The following ESYT3 variants were observed in gnomAD, a reference collection of about 807,000 sequenced individuals.
ESYT3 encodes extended synaptotagmin 3.
A neutral mutation model predicts 111.5 loss-of-function variants in ESYT3; 101 were observed. That is an observed-to-expected ratio of 0.91 (90% CI 0.77 to 1.07). The LOEUF (loss-of-function observed/expected upper bound fraction) is 1.07, where lower values mean the gene tolerates loss of function less well. ESYT3 is among the 50% of genes least tolerant of loss of function. The pLI, the probability that ESYT3 is intolerant of heterozygous loss-of-function variation, is 0.00. For synonymous variants in ESYT3, 416 were observed against 446.8 expected (o/e 0.93, Z 0.87); for missense variants, 1,097 against 1,109.4 (o/e 0.99, Z 0.16).
chr3:138,446,524 T>C (rs544739695), intron 1 of ESYT3, among the ~76,000 whole-genome samples: 1 of 152,156 alleles, frequency 6.6e-6, no homozygotes, highest in South Asian at 2.1e-4. Context: ...AAAGCTGAGA[T>C]AGCAATTGTC....
chr3:138,476,769 C>T (rs1705427526), intron 22 of ESYT3, 49 bp from the exon 23 acceptor site: 9 of 1,586,292 alleles, frequency 5.7e-6, no homozygotes, highest in Non-Finnish European at 6.9e-6. Flanking sequence ...CCTGTTACCA[C>T]AACACACTGT....
rs2032996764 is a variant in ESYT3, at chr3:138,467,627, A to G, written c.1218+18A>G. The G allele has an allele frequency of 6.2e-7, 1 of 1,613,778 alleles. No individual in the cohort carries two copies. The highest frequency in any genetic ancestry group is 2.2e-5 in the East Asian group (1 of 44,866). On this transcript the variant is annotated intron_variant, in intron 11 of 22. Coordinates refer to ENST00000389567, the MANE Select transcript of ESYT3 (RefSeq NM_031913.5). ...TGGATGAGGTACAGTTGGTGCTTGC[A>G]ACCCTCGGGGGAGTTTCAAGGTAGC... is the stretch of plus-strand genomic sequence containing the variant.
At chr3:138,476,404 A>G in intron 21 of ESYT3, 39 bp from the exon 22 acceptor site, 1 of 1,608,412 alleles carries the variant, frequency 6.2e-7, no homozygotes, top group East Asian at 2.2e-5. Flanking sequence ...TCCTTAATGC[A>G]GTGTTTTGGA....
chr3:138,475,382 A>G (rs1391263237), intron 20 of ESYT3, among the ~76,000 whole-genome samples: 2 of 152,234 alleles, frequency 1.3e-5, no homozygotes, highest in Non-Finnish European at 2.9e-5. Context: ...ACTAATTCTC[A>G]AAAGTATGAC....
intron 1 of ESYT3, among the ~76,000 whole-genome samples, chr3:138,449,486 G>A (rs918258067): frequency 4.6e-5 from 7 of 152,184 alleles, no homozygotes; most frequent in Admixed American, 3.9e-4. Context: ...CATACCAGGA[G>A]CTTGTGAAAA....
chr3:138,474,492 C>T (rs1367130511), intron 20 of ESYT3, 140 bp downstream of exon 20: 3 of 943,308 alleles, frequency 3.2e-6, no homozygotes, highest in South Asian at 4.7e-5. Flanking sequence ...CTTCATGAAG[C>T]TTCTGTACGT....
At chr3:138,466,945 G>A (rs1330588754) in intron 10 of ESYT3, among the ~76,000 whole-genome samples, 5 of 152,014 alleles carry the variant, frequency 3.3e-5, no homozygotes, top group African/African-American at 9.7e-5. Context: ...CTGTGGGGAG[G>A]GCACCAAGCC....
At chr3:138,467,425 T>C (rs938373710) in intron 10 of ESYT3, 136 bp from the exon 11 acceptor site, 29 of 848,170 alleles carry the variant, frequency 3.4e-5, no homozygotes, top group Non-Finnish European at 5.4e-5. Context: ...GGTCTCCCAT[T>C]GGTTCCTTGG....
At chr3:138,461,053 T>TG (rs1310955245) in intron 7 of ESYT3, among the ~76,000 whole-genome samples, 1 of 152,182 alleles carries the variant, frequency 6.6e-6, no homozygotes, top group East Asian at 1.9e-4. Context: ...CCTGGCTCTG[T>TG]CACTGAGCAA....
At position 138,434,991 on chromosome 3, in the gene ESYT3, G is replaced by C; in HGVS notation, c.193G>C (p.Gly65Arg). 6.4e-7 allele frequency: 1 copy of C among 1,562,000 alleles called. No homozygotes were observed. Among genetic ancestry groups the C allele is most frequent in the Non-Finnish European group, 8.7e-7 (1 of 1,152,388 alleles). The change falls in exon 1 of 23, where the codon GGC (glycine) becomes CGC (arginine). Residue 65 changes from glycine to arginine, a missense_variant. Transcript: ENST00000389567. ...GCTCAGCATAACCTGGTTGCTGCTC[G>C]GCGCCCTGCTGTGGATGTGGTGGCG... ...LGLSITWLLLGALLWMWWRRN... is the reference protein window; with the variant it reads ...LGLSITWLLLRALLWMWWRRN...
At chr3:138,474,183 C>CT (rs750997203) in intron 19 of ESYT3, 38 bp from the exon 20 acceptor site, 89,607 of 988,528 alleles carry the variant, frequency 0.091, 651 homozygotes, top group African/African-American at 0.2. Context: ...AACCAGGGCC[C>CT]TTTTTTTTTT....
intron 14 of ESYT3, among the ~76,000 whole-genome samples, 171 bp downstream of exon 14, chr3:138,469,052 T>A (rs1023315550): frequency 3.3e-5 from 5 of 152,216 alleles, no homozygotes; most frequent in African/African-American, 1.2e-4. Context: ...GCTTGGCAAC[T>A]CATCCCCCAC....
intron 3 of ESYT3, 56 bp downstream of exon 3, chr3:138,455,384 C>G (rs2032213668): frequency 6.3e-7 from 1 of 1,592,542 alleles, no homozygotes; most frequent in South Asian, 1.1e-5. Flanking sequence ...TCTCTCTGTT[C>G]CCTCTCCTCC....
intron 4 of ESYT3, among the ~76,000 whole-genome samples, chr3:138,458,529 C>T (rs989729785): frequency 6.6e-6 from 1 of 152,264 alleles, no homozygotes; most frequent in Non-Finnish European, 1.5e-5. Context: ...GGCTCCTCTG[C>T]CTGTGCCCTG....
At position 138,452,172 on chromosome 3, in the gene ESYT3, G is replaced by C. The variant is rs1479852592; in HGVS notation, c.369+83G>C. 1.4e-5 allele frequency: 19 copies of C among 1,373,896 alleles called. No homozygotes were observed. The Admixed American group carries it at 3.4e-4, about 25-fold the overall frequency. 85.1% of individuals were successfully genotyped at this position (1,373,896 alleles called of 1,614,324 possible). ...CGGCTGTCACCCCCACAGCCTGATG[G>C]GGGCCTCGCGGCAATTTCCTTGCCT... On this transcript the variant is annotated intron_variant, in intron 2 of 22. Transcript: ENST00000389567.
chr3:138,457,358 G>A (rs2032343911), intron 3 of ESYT3, among the ~76,000 whole-genome samples: 1 of 152,304 alleles, frequency 6.6e-6, no homozygotes, highest in Middle Eastern at 3.4e-3. Context: ...GTGTGGCTGT[G>A]TGAGTAGGGG....
chr3:138,449,570 T>A (rs1234963459), intron 1 of ESYT3, among the ~76,000 whole-genome samples: 5 of 152,182 alleles, frequency 3.3e-5, no homozygotes, highest in African/African-American at 1.2e-4. Flanking sequence ...TTCATTTGAC[T>A]AACTCCCAAG....
At chr3:138,467,368 G>A (rs2032981005) in intron 10 of ESYT3, among the ~76,000 whole-genome samples, 193 bp from the exon 11 acceptor site, 1 of 152,154 alleles carries the variant, frequency 6.6e-6, no homozygotes, top group Admixed American at 6.5e-5. Context: ...CACCCAGTGG[G>A]AGCAGCCCTG....
rs200647256 is a variant in ESYT3, at chr3:138,474,322, G to A, written c.2438G>A (p.Arg813Gln). Residue 813 changes from arginine to glutamine, a missense_variant, in exon 20 of 23, where the codon CGG becomes CAG. Coordinates refer to ENST00000389567, the MANE Select transcript of ESYT3 (RefSeq NM_031913.5). Reference protein sequence around the residue: ...WACRKKTSVKRKTLEPLFDET... With the variant: ...WACRKKTSVKQKTLEPLFDET... ...TGTCGTAAGAAGACTTCAGTGAAGC[G>A]GAAGACCTTGGAACCCCTGTTTGAT... The A allele has an allele frequency of 6.7e-4, 1,067 of 1,602,430 alleles. No homozygotes were observed. Among genetic ancestry groups the A allele is most frequent in the Non-Finnish European group, 8.2e-4 (960 of 1,177,114 alleles).
Sources: allele counts gnomAD v4.1 joint callset (sites outside exome capture counted in the v4.1 genomes callset), GRCh38; gene constraint gnomAD v4.1.1; transcripts MANE v1.5; gene names NCBI Gene and HGNC (gene_info 2026-07-23, HGNC 2026-07-21).